The following VWA5B2 variants were observed in gnomAD, a reference collection of about 807,000 sequenced individuals.
VWA5B2 encodes von Willebrand factor A domain-containing protein 5B2.
VWA5B2 carries 93 observed loss-of-function variants against 118.5 expected under a neutral mutation model. The ratio of observed to expected loss-of-function variants is 0.79; its 90% CI spans 0.66 to 0.93. The LOEUF is 0.93. Among genes scored for constraint, VWA5B2 ranks in the 40% least tolerant of loss-of-function variants. The pLI is 0.00. For synonymous variants in VWA5B2, 708 were observed against 716.3 expected, an observed-to-expected ratio of 0.99 and a Z score of 0.19; for missense variants, 1,546 against 1,672.8, an observed-to-expected ratio of 0.92 and a Z score of 1.32.
rs368995344 is a variant in VWA5B2, at chr3:184,236,791, T to C, written c.1533+42T>C. ...GCCCTGTTCCCTACACCTGGAAGTT[T>C]TTCTCCCAAGTTACACATCAAGTCT... On this transcript the variant is annotated intron_variant, in intron 11 of 19. Coordinates refer to ENST00000691901, the MANE Select transcript of VWA5B2 (RefSeq NM_001390846.1). 151 of 1,444,810 alleles carry C rather than the reference T, an allele frequency of 1.0e-4. 2 individuals carry two copies. In the East Asian group the frequency reaches 1.1e-3, roughly 10 times the overall value. The allele number at this position is 1,444,810 out of a possible 1,614,324, so 89.5% of individuals were successfully genotyped here.
chr3:184,230,518 C>T lies in VWA5B2; in HGVS notation c.-11C>T, dbSNP rs1717270463. ...CCCGGCCCGTTCCCGCAGGGCCGGC[C>T]TCCCGGCGCCATGCCCGGCCTGTAC... On this transcript the variant is annotated 5_prime_UTR_variant, in exon 2 of 20. Transcript: ENST00000691901. 1 of 1,455,932 alleles carries T rather than the reference C, an allele frequency of 6.9e-7. No homozygotes were observed. The highest frequency in any genetic ancestry group is 3.0e-5 in the East Asian group (1 of 33,092). The allele number at this position is 1,455,932 out of a possible 1,614,324, so 90.2% of individuals were successfully genotyped here.
intron 1 of VWA5B2, 32 bp from the exon 2 acceptor site, chr3:184,230,342 GCCGCCC>G: frequency 3.1e-6 from 2 of 645,644 alleles, no homozygotes; most frequent in Non-Finnish European, 4.6e-6. Flanking sequence ...CACCACGCCT[GCCGCCC>G]CCTTATCTCC....
In VWA5B2 at chr3:184,239,618, C is replaced by T. The variant is rs531954476; in HGVS notation, c.2392+35C>T. On this transcript the variant is annotated intron_variant, in intron 15 of 19. Transcript: ENST00000691901. This position sits in a 1 kb window ranked among gnomAD's most constrained non-coding sequence, Gnocchi z 5.1. Reference sequence around the variant, plus strand: ...GGATGGGGAGCTGGTTTCCCTGACACCAAAGAGGCCTTGGGGAGGTAAAGC... The same window carrying T: ...GGATGGGGAGCTGGTTTCCCTGACATCAAAGAGGCCTTGGGGAGGTAAAGC... The T allele has an allele frequency of 4.5e-5, 67 of 1,483,822 alleles. No individual in the cohort carries two copies. In the South Asian group the frequency reaches 8.7e-4, roughly 19 times the overall value. The allele number at this position is 1,483,822 out of a possible 1,614,324, so 91.9% of individuals were successfully genotyped here.
At chr3:184,235,022 C>A in intron 7 of VWA5B2, 131 bp from the exon 8 acceptor site, 1 of 1,235,070 alleles carries the variant, frequency 8.1e-7, no homozygotes, top group Non-Finnish European at 1.1e-6. Context: ...TGCCTTTATT[C>A]GAATTACTAC....
chr3:184,241,707 G>A lies in VWA5B2; in HGVS notation c.3398G>A (p.Gly1133Asp), dbSNP rs1369229812. The A allele has an allele frequency of 1.1e-5, 16 of 1,508,832 alleles. No homozygotes were observed. The Admixed American group carries it at 3.3e-4, about 31-fold the overall frequency. 93.5% of individuals were successfully genotyped at this position (1,508,832 alleles called of 1,614,324 possible). Residue 1133 changes from glycine (G) to aspartate (D), a missense_variant, in exon 20 of 20, where the codon GGC (glycine) becomes GAC (aspartate). Gly to Asp is a moderately conservative substitution (Grantham distance 94). Transcript: ENST00000691901. The surrounding 1 kb of genome is among the most constrained non-coding windows in gnomAD (Gnocchi z 5.1). ...TCCTGCAGCCCGTCCCCCAGCTCGG[G>A]CTCTGAGGGGCCAGGCCAGGTGGAC... ...TASCSPSPSS[G>D]SEGPGQVDSG...
Position 184,233,634 on chromosome 3 carries a change from C to G in VWA5B2, c.589C>G (p.Leu197Val). The G allele has an allele frequency of 6.4e-7, 1 of 1,551,276 alleles. No homozygotes were observed. The highest frequency in any genetic ancestry group is 8.7e-7 in the Non-Finnish European group (1 of 1,146,944). The stretch of plus-strand genomic sequence containing the variant: ...GGAGGAAGGGCTGGCCTGGGAGGAG[C>G]TGGCTGCCCCTCGGGACGTGTTCTC... ...LQEEGLAWEE[L>V]AAPRDVFSGP... Residue 197 changes from leucine to valine, a missense_variant, in exon 5 of 20, where the codon CTG becomes GTG. Leu to Val is a conservative substitution (Grantham distance 32). Transcript: ENST00000691901. This position sits in a 1 kb window ranked among gnomAD's most constrained non-coding sequence, Gnocchi z 5.2.
At position 184,241,711 on chromosome 3, in the gene VWA5B2, TG is replaced by T; in HGVS notation, c.3403del (p.Glu1135ArgfsTer37). 1 of 1,508,096 alleles carries T rather than the reference TG, an allele frequency of 6.6e-7. No homozygotes were observed. Among genetic ancestry groups the T allele is most frequent in the Non-Finnish European group, 8.8e-7 (1 of 1,130,236 alleles). The allele number at this position is 1,508,096 out of a possible 1,614,324, so 93.4% of individuals were successfully genotyped here. A position where few individuals can be genotyped will look rare whatever the true frequency, so the allele number is the denominator to read the frequency against. ...SCSPSPSSGS[E>X]GPGQVDSGRG... ...GCAGCCCGTCCCCCAGCTCGGGCTC[TG>T]AGGGGCCAGGCCAGGTGGACAGTGG... is the stretch of plus-strand genomic sequence containing the variant. On this transcript the variant is annotated frameshift_variant, in exon 20 of 20. Transcript: ENST00000691901. LOFTEE classifies it high-confidence loss of function. The surrounding 1 kb of genome is among the most constrained non-coding windows in gnomAD (Gnocchi z 5.1).
Position 184,230,765 on chromosome 3 carries a change from T to TGGCCGA in VWA5B2, c.167_172dup (p.Ala56_Glu57dup), listed in dbSNP as rs1214146568. On this transcript the variant is annotated inframe_insertion, in exon 3 of 20. Transcript: ENST00000691901. ...TCCCCAGGCGTGTTCGTGTACCCGC[T>TGGCCGA]GGCCGAGGCCGAGGTGGTGTCCGGC... is the stretch of plus-strand genomic sequence containing the variant. 8.2e-7 allele frequency: 1 copy of TGGCCGA among 1,222,562 alleles called. No homozygotes were observed. The highest frequency in any genetic ancestry group is 1.0e-6 in the Non-Finnish European group (1 of 983,128). The allele number at this position is 1,222,562 out of a possible 1,614,324, so 75.7% of individuals were successfully genotyped here. A position where few individuals can be genotyped will look rare whatever the true frequency, so the allele number is the denominator to read the frequency against.
At position 184,233,089 on chromosome 3, in the gene VWA5B2, C is replaced by T; in HGVS notation, c.311-89C>T. The T allele has an allele frequency of 8.0e-7, 1 of 1,253,454 alleles. No individual in the cohort carries two copies. Among genetic ancestry groups the T allele is most frequent in the Non-Finnish European group, 1.1e-6 (1 of 901,298 alleles). The allele number at this position is 1,253,454 out of a possible 1,614,324, so 77.6% of individuals were successfully genotyped here. ...ACACGCAAAGTCCCCCTTGCCCAGG[C>T]TCCCTGACCCAATGCCTGCTTCCAC... is the stretch of plus-strand genomic sequence containing the variant. On this transcript the variant is annotated intron_variant, in intron 3 of 19. Coordinates refer to ENST00000691901, the MANE Select transcript of VWA5B2 (RefSeq NM_001390846.1). This position sits in a 1 kb window ranked among gnomAD's most constrained non-coding sequence, Gnocchi z 5.2.
chr3:184,237,651 T>G lies in VWA5B2; in HGVS notation c.1719+240T>G, dbSNP rs780863454. Among the ~76,000 whole-genome samples the G allele has an allele frequency of 6.6e-6, 1 of 152,176 alleles. No individual in the cohort carries two copies. Among genetic ancestry groups the G allele is most frequent in the Non-Finnish European group, 1.5e-5 (1 of 68,016 alleles). On this transcript the variant is annotated intron_variant, in intron 12 of 19. Coordinates refer to ENST00000691901, the MANE Select transcript of VWA5B2 (RefSeq NM_001390846.1). The surrounding 1 kb of genome is among the most constrained non-coding windows in gnomAD (Gnocchi z 5.6). ...CCTGCAAAGTGTTACCCCTCAGTTT[T>G]TACCCAAGGTCACTAAAGCACACAG...
rs939096985 is a variant in VWA5B2, at chr3:184,241,739, C to T, written c.3430C>T (p.Arg1144Trp). The change falls in exon 20 of 20, where the codon CGG becomes TGG. Residue 1144 changes from arginine (R) to tryptophan (W), a missense_variant. Coordinates refer to ENST00000691901, the MANE Select transcript of VWA5B2 (RefSeq NM_001390846.1). This position sits in a 1 kb window ranked among gnomAD's most constrained non-coding sequence, Gnocchi z 5.1. Reference sequence around the variant, plus strand: ...GGGGCCAGGCCAGGTGGACAGTGGGCGGGGCTCAGACACCGAGGCCTCCGA... The same window carrying T: ...GGGGCCAGGCCAGGTGGACAGTGGGTGGGGCTCAGACACCGAGGCCTCCGA... Reference protein sequence around the residue: ...SEGPGQVDSGRGSDTEASEGA... With the variant: ...SEGPGQVDSGWGSDTEASEGA... 1.3e-5 allele frequency: 20 copies of T among 1,488,168 alleles called. No homozygotes were observed. Among genetic ancestry groups the T allele is most frequent in the African/African-American group, 7.0e-5 (5 of 71,846 alleles). 92.2% of individuals were successfully genotyped at this position (1,488,168 alleles called of 1,614,324 possible).
chr3:184,236,177 C>G lies in VWA5B2; in HGVS notation c.1127C>G (p.Ser376Cys). 3 of 1,551,634 alleles carry G rather than the reference C, an allele frequency of 1.9e-6. No homozygotes were observed. The highest frequency in any genetic ancestry group is 2.6e-6 in the Non-Finnish European group (3 of 1,146,992). The change falls in exon 9 of 20, where the codon TCC (serine) becomes TGC (cysteine). Residue 376 changes from serine to cysteine, a missense_variant. Ser to Cys is a moderately radical substitution (Grantham distance 112). Transcript: ENST00000691901. Reference sequence around the variant, plus strand: ...GATGCCATTGTTTTGGCTGTGAAGTCCCTCCCGCCCCAGACGCTTATCAAC... The same window carrying G: ...GATGCCATTGTTTTGGCTGTGAAGTGCCTCCCGCCCCAGACGCTTATCAAC... ...HKDAIVLAVK[S>C]LPPQTLINLA... is the part of the protein sequence containing the mutation.
intron 5 of VWA5B2, among the ~76,000 whole-genome samples, chr3:184,234,007 G>A (rs953767984): frequency 6.6e-6 from 1 of 152,214 alleles, no homozygotes; most frequent in Admixed American, 6.5e-5. Flanking sequence ...CTGTGATGAA[G>A]TAGGTTTTCC....
chr3:184,239,306 A>C lies in VWA5B2; in HGVS notation c.2203-88A>C. ...GGTGAGCGGCCACCCAGGGTTTCAG[A>C]AAAGGGGCATGGGCCAGCTGTGCAC... On this transcript the variant is annotated intron_variant, in intron 14 of 19. Coordinates refer to ENST00000691901, the MANE Select transcript of VWA5B2 (RefSeq NM_001390846.1). This position sits in a 1 kb window ranked among gnomAD's most constrained non-coding sequence, Gnocchi z 5.1. 7.3e-7 allele frequency: 1 copy of C among 1,375,828 alleles called. No homozygotes were observed. The highest frequency in any genetic ancestry group is 9.5e-7 in the Non-Finnish European group (1 of 1,054,596). The allele number at this position is 1,375,828 out of a possible 1,614,324, so 85.2% of individuals were successfully genotyped here. A position where few individuals can be genotyped will look rare whatever the true frequency, so the allele number is the denominator to read the frequency against.
chr3:184,235,341 G>C (rs753800076), intron 8 of VWA5B2, 33 bp downstream of exon 8: 1 of 1,544,334 alleles, frequency 6.5e-7, no homozygotes, highest in South Asian at 1.2e-5. Flanking sequence ...CAGGCCTGGG[G>C]GTTGGGTGGG....
rs566080750 is a variant in VWA5B2, at chr3:184,239,849, C to T, written c.2553C>T (p.Pro851=). ...TCCGGGGCCTGTGTGGGGAGCAGCCCATGTGCTGGGAGGTGGGTGTTGGGC... is the reference window on the plus strand; with the variant it reads ...TCCGGGGCCTGTGTGGGGAGCAGCCTATGTGCTGGGAGGTGGGTGTTGGGC... ...VVIRGLCGEQ[P]MCWEVGVGLE... Residue 851 remains proline (P), a synonymous_variant, in exon 16 of 20, where the codon CCC becomes CCT. Coordinates refer to ENST00000691901, the MANE Select transcript of VWA5B2 (RefSeq NM_001390846.1). The surrounding 1 kb of genome is among the most constrained non-coding windows in gnomAD (Gnocchi z 5.1). The T allele has an allele frequency of 3.9e-5, 60 of 1,551,652 alleles. No individual in the cohort carries two copies. In the East Asian group the frequency reaches 1.1e-3, roughly 28 times the overall value.
intron 1 of VWA5B2, 85 bp from the exon 2 acceptor site, chr3:184,230,295 C>G: frequency 2.2e-6 from 1 of 461,394 alleles, no homozygotes; most frequent in Non-Finnish European, 3.7e-6. Context: ...CTCCGCGGCC[C>G]GGCTGCCCAG....
At position 184,241,820 on chromosome 3, in the gene VWA5B2, G is replaced by A. The variant is rs1031389086; in HGVS notation, c.3511G>A (p.Val1171Ile). The A allele has an allele frequency of 4.9e-5, 75 of 1,521,076 alleles. No individual in the cohort carries two copies. The highest frequency in any genetic ancestry group is 1.7e-4 in the Middle Eastern group (1 of 5,888). The allele number at this position is 1,521,076 out of a possible 1,614,324, so 94.2% of individuals were successfully genotyped here. A position where few individuals can be genotyped will look rare whatever the true frequency, so the allele number is the denominator to read the frequency against. ...DLRGRTWATA[V>I]ALAWLEHRCA... ...GCGGGGCCGGACCTGGGCCACTGCC[G>A]TAGCACTCGCCTGGCTGGAGCACCG... The change falls in exon 20 of 20, where the codon GTA becomes ATA. Residue 1171 changes from valine (V) to isoleucine (I), a missense_variant. This residue lies in a region of VWA5B2 where 763 missense variants were observed against 766.6 expected (regional missense o/e 1.00). Transcript: ENST00000691901. This position sits in a 1 kb window ranked among gnomAD's most constrained non-coding sequence, Gnocchi z 5.1.
chr3:184,234,169 G>C, intron 5 of VWA5B2, 97 bp from the exon 6 acceptor site: 1 of 1,439,088 alleles, frequency 6.9e-7, no homozygotes, highest in East Asian at 2.5e-5. Flanking sequence ...ATCAGACTCT[G>C]AGAGCTGACT....
Sources: gnomAD v4.1 joint callset for allele counts (sites outside exome capture counted in the v4.1 genomes callset) on GRCh38, gnomAD v4.1.1 for gene constraint, gnomAD v4.1.1 regional missense constraint, Gnocchi (gnomAD v3.1) non-coding constraint, MANE v1.5 for transcripts, NCBI Gene and HGNC (gene_info 2026-07-23, HGNC 2026-07-21) for gene names.